Variants in RSPO2 observed in about 807,000 individuals in gnomAD.
RSPO2 encodes R-spondin-2.
In RSPO2, 14 loss-of-function variants were observed where a neutral mutation model predicts 30.9. That is an observed-to-expected ratio of 0.45 (90% confidence interval 0.30 to 0.71). RSPO2 has a LOEUF of 0.71. Ranked by LOEUF, RSPO2 falls within the 30% of genes least tolerant of loss-of-function variation. The pLI is 0.08. For synonymous variants in RSPO2, 107 were observed against 96.4 expected, an observed-to-expected ratio of 1.11 and a Z score of -0.64; for missense variants, 264 against 301.9, an observed-to-expected ratio of 0.87 and a Z score of 0.93.
intron 5 of RSPO2, among the ~76,000 whole-genome samples, chr8:107,916,976 T>A (rs918137012): frequency 6.6e-6 from 1 of 152,210 alleles, no homozygotes; most frequent in African/African-American, 2.4e-5. Context: ...AAAGATGCAC[T>A]AATGCAAAAA....
At chr8:108,078,417 T>G (rs932472900) in intron 2 of RSPO2, among the ~76,000 whole-genome samples, 25 of 152,242 alleles carry the variant, frequency 1.6e-4, no homozygotes, top group Non-Finnish European at 5.9e-5. Flanking sequence ...TAAGCAAGTG[T>G]ACAAAATGTG....
intron 3 of RSPO2, among the ~76,000 whole-genome samples, chr8:107,986,604 A>G (rs10106419): frequency 0.044 from 6,743 of 152,216 alleles, 269 homozygotes; most frequent in African/African-American, 0.1. Context: ...TTTACATCCA[A>G]TATCCCTGCA....
At chr8:107,905,808 G>A (rs144267944) in intron 5 of RSPO2, among the ~76,000 whole-genome samples, 1 of 150,832 alleles carries the variant, frequency 6.6e-6, no homozygotes, top group East Asian at 1.9e-4. Context: ...ACTTGATTTT[G>A]CCCAAGAATG....
intron 5 of RSPO2, among the ~76,000 whole-genome samples, chr8:107,906,907 T>C (rs1255495982): frequency 6.6e-6 from 1 of 152,004 alleles, no homozygotes; most frequent in Non-Finnish European, 1.5e-5. Context: ...TATGCTTTTT[T>C]CTTGTGTGAG....
chr8:108,041,382 A>G (rs1811754384), intron 2 of RSPO2, among the ~76,000 whole-genome samples: 1 of 152,124 alleles, frequency 6.6e-6, no homozygotes, highest in African/African-American at 2.4e-5. Context: ...AAAACAAAAA[A>G]GCAGATGGTG....
rs71308771 is a variant in RSPO2 at position 108,029,054 on chromosome 8, C to CTTTTT, written c.95-39815_95-39811dup. ...AACTTGGGTAACTGTTAACATGAGTCTTTTTTTTTTTTTTTTTTTTTTTTT... is the reference window on the plus strand; with the variant it reads ...AACTTGGGTAACTGTTAACATGAGTCTTTTTTTTTTTTTTTTTTTTTTTTTTTTTT... On this transcript the variant is annotated intron_variant, in intron 2 of 5. Transcript: ENST00000276659. 7.3e-4 allele frequency among the ~76,000 whole-genome samples: 19 copies of CTTTTT among 26,200 alleles called. 8 individuals carry two copies. The South Asian group carries it at 0.012, about 16-fold the overall frequency. 17.2% of individuals were successfully genotyped at this position (26,200 alleles called of 152,430 possible).
At chr8:108,040,765 G>T (rs952560221) in intron 2 of RSPO2, among the ~76,000 whole-genome samples, 1 of 152,116 alleles carries the variant, frequency 6.6e-6, no homozygotes, top group Non-Finnish European at 1.5e-5. Flanking sequence ...ATATTGATCT[G>T]GGCAGGAGTG....
At chr8:108,063,188 C>T (rs1298458539) in intron 2 of RSPO2, among the ~76,000 whole-genome samples, 3 of 151,720 alleles carry the variant, frequency 2.0e-5, no homozygotes, top group Admixed American at 6.6e-5. Context: ...CCAGGGCAAT[C>T]AGGCAGGAGA....
At chr8:108,019,810 T>C (rs1286103942) in intron 2 of RSPO2, among the ~76,000 whole-genome samples, 1 of 152,174 alleles carries the variant, frequency 6.6e-6, no homozygotes, top group African/African-American at 2.4e-5. Flanking sequence ...GGGGATATGA[T>C]GGTTTTTTCC....
chr8:107,970,160 GT>G (rs1203866889), intron 3 of RSPO2, among the ~76,000 whole-genome samples: 3 of 152,144 alleles, frequency 2.0e-5, no homozygotes, highest in Admixed American at 2.0e-4. Flanking sequence ...AACAACTCAT[GT>G]CTGTCATAAC....
intron 3 of RSPO2, among the ~76,000 whole-genome samples, chr8:107,964,538 A>G (rs772959876): frequency 6.6e-6 from 1 of 152,062 alleles, no homozygotes; most frequent in Admixed American, 6.6e-5. Flanking sequence ...GCCAAACCCA[A>G]TATTTTTGAA....
At chr8:108,076,184 T>C (rs1286284106) in intron 2 of RSPO2, among the ~76,000 whole-genome samples, 2 of 152,172 alleles carry the variant, frequency 1.3e-5, no homozygotes. Context: ...TGCCCAGAAA[T>C]GAAGTTATCT....
chr8:107,998,336 C>G (rs1207482141), intron 2 of RSPO2, among the ~76,000 whole-genome samples: 1 of 152,068 alleles, frequency 6.6e-6, no homozygotes, highest in Non-Finnish European at 1.5e-5. Flanking sequence ...ATCTTGGCAG[C>G]AGTGGTATAA....
chr8:107,901,837 A>T (rs1195804584), intron 5 of RSPO2, among the ~76,000 whole-genome samples: 2 of 152,214 alleles, frequency 1.3e-5, no homozygotes, highest in Non-Finnish European at 2.9e-5. Context: ...TGTTTTGATA[A>T]ACTGGTGGTA....
intron 5 of RSPO2, among the ~76,000 whole-genome samples, chr8:107,923,859 A>G (rs142921448): frequency 6.6e-6 from 1 of 152,182 alleles, no homozygotes; most frequent in Non-Finnish European, 1.5e-5. Context: ...TAAATACCCC[A>G]TGTTCTCAAT....
At chr8:107,911,027 C>T (rs900336676) in intron 5 of RSPO2, among the ~76,000 whole-genome samples, 2 of 152,290 alleles carry the variant, frequency 1.3e-5, no homozygotes, top group Admixed American at 6.5e-5. Context: ...ATAAGGGCTA[C>T]ATCTAAACAC....
intron 2 of RSPO2, among the ~76,000 whole-genome samples, chr8:108,014,562 G>A (rs1810815666): frequency 6.6e-6 from 1 of 152,140 alleles, no homozygotes; most frequent in African/African-American, 2.4e-5. Flanking sequence ...GATGAAGCTG[G>A]AAACCATCAT....
intron 2 of RSPO2, among the ~76,000 whole-genome samples, chr8:108,063,764 C>T (rs1055194539): frequency 5.3e-5 from 8 of 152,182 alleles, no homozygotes; most frequent in African/African-American, 1.7e-4. Flanking sequence ...CATCACGCTA[C>T]CTGACTTCAA....
chr8:107,919,096 A>G (rs1477267667), intron 5 of RSPO2, among the ~76,000 whole-genome samples: 2 of 152,154 alleles, frequency 1.3e-5, no homozygotes, highest in African/African-American at 4.8e-5. Context: ...CTGCATGGGT[A>G]TGCTCAGACA....
Sources: allele counts gnomAD v4.1 joint callset (sites outside exome capture counted in the v4.1 genomes callset), GRCh38; gene constraint gnomAD v4.1.1; transcripts MANE v1.5; gene names NCBI Gene and HGNC (gene_info 2026-07-23, HGNC 2026-07-21).